Variants in NDUFAF2 observed in about 807,000 individuals in gnomAD.
NDUFAF2 encodes the protein NADH dehydrogenase [ubiquinone] 1 alpha subcomplex assembly factor 2.
Under a neutral mutation model 22.8 loss-of-function variants are expected in NDUFAF2, and 13 were observed. The ratio of observed to expected loss-of-function variants is 0.57; its 90% CI spans 0.37 to 0.91. The LOEUF is 0.91. NDUFAF2 is among the 40% of genes least tolerant of loss of function. The pLI, the probability that NDUFAF2 is intolerant of heterozygous loss-of-function variation, is 0.01. For missense variants in NDUFAF2, 162 were observed against 195.2 expected (o/e 0.83, Z 1.01); for synonymous variants, 53 against 64.2 (o/e 0.83, Z 0.84).
At chr5:61,034,592 G>C (rs1421053416) in intron 1 of NDUFAF2, among the ~76,000 whole-genome samples, 1 of 152,098 alleles carries the variant, frequency 6.6e-6, no homozygotes, top group South Asian at 2.1e-4. Flanking sequence ...TGTAACCATA[G>C]CCATAAAGAA....
At chr5:60,965,365 A>G (rs184610233) in intron 1 of NDUFAF2, among the ~76,000 whole-genome samples, 63 of 152,230 alleles carry the variant, frequency 4.1e-4, no homozygotes, top group South Asian at 1.0e-3. Context: ...TCACAGGCTT[A>G]TTTTTTTGTG....
At chr5:61,044,089 A>G (rs773138447) in intron 1 of NDUFAF2, among the ~76,000 whole-genome samples, 5 of 151,992 alleles carry the variant, frequency 3.3e-5, no homozygotes, top group Non-Finnish European at 5.9e-5. Context: ...TTTAATTTGC[A>G]TTTCCCTGAT....
At chr5:61,030,337 C>A (rs1464655238) in intron 1 of NDUFAF2, among the ~76,000 whole-genome samples, 2 of 152,066 alleles carry the variant, frequency 1.3e-5, no homozygotes, top group African/African-American at 2.4e-5. Flanking sequence ...CTTATCAGCT[C>A]TTTAAACTAA....
rs1400986670 is a variant in NDUFAF2, at chr5:61,056,933, T to A, written c.128-16192T>A. ...AAAAAAAAAAAAATATATATATATA[T>A]ATATATATATATATATATATTTATA... On this transcript the variant is annotated intron_variant, in intron 1 of 3. Transcript: ENST00000296597. 9.6e-3 allele frequency among the ~76,000 whole-genome samples: 612 copies of A among 63,746 alleles called. 7 individuals are homozygous for A. The highest frequency in any genetic ancestry group is 0.029 in the African/African-American group (571 of 19,456). 41.8% of individuals were successfully genotyped at this position (63,746 alleles called of 152,430 possible). A position where few individuals can be genotyped will look rare whatever the true frequency, so the allele number is the denominator to read the frequency against.
chr5:61,005,567 G>A (rs1395982420), intron 1 of NDUFAF2, among the ~76,000 whole-genome samples: 7 of 152,288 alleles, frequency 4.6e-5, no homozygotes, highest in Admixed American at 1.3e-4. Flanking sequence ...GTGTAAAAGC[G>A]TTCCTATTTC....
chr5:61,060,969 A>G (rs1752158306), intron 1 of NDUFAF2, among the ~76,000 whole-genome samples: 1 of 152,128 alleles, frequency 6.6e-6, no homozygotes, highest in Admixed American at 6.6e-5. Context: ...TAGGAAAGGA[A>G]TAGTGGCTCA....
chr5:60,945,671 A>G (rs1750433293), intron 1 of NDUFAF2, among the ~76,000 whole-genome samples: 1 of 151,948 alleles, frequency 6.6e-6, no homozygotes. Context: ...GCGCACCACC[A>G]CTTTCCTCCC....
intron 3 of NDUFAF2, among the ~76,000 whole-genome samples, chr5:61,117,455 A>C (rs1450478702): frequency 1.3e-5 from 2 of 152,172 alleles, no homozygotes; most frequent in Non-Finnish European, 2.9e-5. Context: ...TCCTGGGCTC[A>C]AGAGTTCCTC....
chr5:61,116,309 T>C (rs1752912019), intron 3 of NDUFAF2: 1 of 152,160 alleles, frequency 6.6e-6, no homozygotes, highest in Admixed American at 6.6e-5. Flanking sequence ...GGTAAAACAC[T>C]TGGATAAAAC....
chr5:61,112,577 G>A (rs1166415264), intron 3 of NDUFAF2, among the ~76,000 whole-genome samples: 3 of 152,030 alleles, frequency 2.0e-5, no homozygotes. Context: ...AGCTACTCCT[G>A]CTCTTTTTTG....
intron 3 of NDUFAF2, among the ~76,000 whole-genome samples, chr5:61,130,884 A>C (rs1753100345): frequency 6.6e-6 from 1 of 152,188 alleles, no homozygotes; most frequent in Non-Finnish European, 1.5e-5. Flanking sequence ...ACAGTACCAG[A>C]AATGGGACAT....
intron 3 of NDUFAF2, among the ~76,000 whole-genome samples, chr5:61,125,941 C>T (rs1414204040): frequency 6.6e-6 from 1 of 151,968 alleles, no homozygotes; most frequent in Non-Finnish European, 1.5e-5. Flanking sequence ...AAGTCCTATG[C>T]ATCCAATCAT....
At chr5:60,986,857 A>T (rs329627) in intron 1 of NDUFAF2, among the ~76,000 whole-genome samples, 22,293 of 150,780 alleles carry the variant, frequency 0.15, 2,068 homozygotes, top group South Asian at 0.27. Flanking sequence ...GCCTGATTCC[A>T]GGAGGTGGAG....
chr5:60,948,166 C>A (rs1170090581), intron 1 of NDUFAF2, among the ~76,000 whole-genome samples: 1 of 152,164 alleles, frequency 6.6e-6, no homozygotes, highest in Non-Finnish European at 1.5e-5. Flanking sequence ...AGGCACTCAT[C>A]TGATTTCTGA....
chr5:61,147,437 C>CTTTTTTTTTTTTTTTCTTTTTTTTTTTTT (rs1741156983), intron 3 of NDUFAF2, among the ~76,000 whole-genome samples: 2 of 84,726 alleles, frequency 2.4e-5, no homozygotes, highest in Non-Finnish European at 4.5e-5. Flanking sequence ...TTTTTTCTTT[C>CTTTTTTTTTTTTTTTCTTTTTTTTTTTTT]TTTTTTTTTT....
intron 3 of NDUFAF2, among the ~76,000 whole-genome samples, chr5:61,140,470 T>G (rs1401733621): frequency 6.6e-6 from 1 of 152,212 alleles, no homozygotes; most frequent in East Asian, 1.9e-4. Flanking sequence ...GTCTCCTGCT[T>G]ATGGTTGCCA....
chr5:60,965,102 C>A (rs1041862844), intron 1 of NDUFAF2, among the ~76,000 whole-genome samples: 1 of 152,102 alleles, frequency 6.6e-6, no homozygotes, highest in African/African-American at 2.4e-5. Flanking sequence ...CCAGGTTTTT[C>A]CGATTTTTCA....
At chr5:61,097,420 T>C (rs963516391) in intron 2 of NDUFAF2, among the ~76,000 whole-genome samples, 1 of 151,918 alleles carries the variant, frequency 6.6e-6, no homozygotes, top group African/African-American at 2.4e-5. Flanking sequence ...GAATAACTTA[T>C]GTAATTCATT....
intron 3 of NDUFAF2, among the ~76,000 whole-genome samples, chr5:61,124,325 T>C (rs899376767): frequency 6.6e-6 from 1 of 152,052 alleles, no homozygotes; most frequent in Non-Finnish European, 1.5e-5. Flanking sequence ...TTTACTTTTT[T>C]CCATTATTCT....
Sources: gnomAD v4.1 joint callset for allele counts (sites outside exome capture counted in the v4.1 genomes callset) on GRCh38, gnomAD v4.1.1 for gene constraint, MANE v1.5 for transcripts, NCBI Gene and HGNC (gene_info 2026-07-23, HGNC 2026-07-21) for gene names.